Variants in NCALD observed in about 807,000 individuals in gnomAD.
The protein encoded by NCALD is neurocalcin delta, also known as neurocalcin-delta.
Under a neutral mutation model 18.6 loss-of-function variants are expected in NCALD, and 10 were observed. The observed-to-expected ratio is 0.54, with a 90% CI of 0.33 to 0.91. The LOEUF (loss-of-function observed/expected upper bound fraction) is 0.91, where lower values mean the gene tolerates loss of function less well. Ranked by LOEUF, NCALD falls within the 40% of genes least tolerant of loss-of-function variation. The pLI is 0.03. For missense variants in NCALD, 184 were observed against 247.6 expected, an observed-to-expected ratio of 0.74 and a Z score of 1.72; for synonymous variants, 88 against 87.4, an observed-to-expected ratio of 1.01 and a Z score of -0.04.
chr8:101,967,936 T>C (rs1353361662), intron 2 of NCALD, among the ~76,000 whole-genome samples: 1 of 151,950 alleles, frequency 6.6e-6, no homozygotes, highest in African/African-American at 2.4e-5. Flanking sequence ...AGTTTCAACA[T>C]CAGCAACCTC....
chr8:102,057,536 A>C (rs1388338493), intron 1 of NCALD, among the ~76,000 whole-genome samples: 1 of 152,152 alleles, frequency 6.6e-6, no homozygotes, highest in Admixed American at 6.5e-5. Context: ...TAAAATTTTC[A>C]TGCTCCAGTG....
chr8:101,689,027 G>C lies in NCALD; in HGVS notation c.*282C>G. On this transcript the variant is annotated 3_prime_UTR_variant, in exon 4 of 4. Coordinates refer to ENST00000220931, the MANE Select transcript of NCALD (RefSeq NM_032041.3). This position sits in a 1 kb window ranked among gnomAD's most constrained non-coding sequence, Gnocchi z 4.4. ...CCCGAGTCTTACGTTTTAGAACAGA[G>C]ACATTAGAATAAAAAAAAATAATAG... 1.4e-6 allele frequency: 1 copy of C among 699,344 alleles called. No homozygotes were observed. 43.3% of individuals were successfully genotyped at this position (699,344 alleles called of 1,614,324 possible).
chr8:102,105,224 T>C (rs908062081), intron 1 of NCALD, among the ~76,000 whole-genome samples: 22 of 152,208 alleles, frequency 1.4e-4, no homozygotes, highest in African/African-American at 5.3e-4. Flanking sequence ...TAGCTATAGA[T>C]ACATACAGAT....
At chr8:102,105,203 T>C (rs1476549431) in intron 1 of NCALD, among the ~76,000 whole-genome samples, 1 of 152,196 alleles carries the variant, frequency 6.6e-6, no homozygotes, top group East Asian at 1.9e-4. Flanking sequence ...CCTAAAGAGA[T>C]ACAGACTGTA....
chr8:101,758,310 C>A (rs538272250), intron 1 of NCALD, among the ~76,000 whole-genome samples: 2 of 152,160 alleles, frequency 1.3e-5, no homozygotes, highest in African/African-American at 4.8e-5. Flanking sequence ...CAGCTCTCCC[C>A]CTCCATAGGC....
chr8:101,840,299 T>G (rs1226964435), intron 4 of NCALD, among the ~76,000 whole-genome samples: 4 of 152,180 alleles, frequency 2.6e-5, no homozygotes, highest in African/African-American at 9.6e-5. Flanking sequence ...GCTGAATAAG[T>G]GAATACATTT....
intron 2 of NCALD, among the ~76,000 whole-genome samples, chr8:101,715,170 C>T (rs1218946640): frequency 6.6e-6 from 1 of 152,072 alleles, no homozygotes; most frequent in African/African-American, 2.4e-5. Context: ...TCAAAAATAA[C>T]ACCACACATC....
intron 1 of NCALD, among the ~76,000 whole-genome samples, chr8:102,030,882 T>A (rs549245188): frequency 2.0e-5 from 3 of 148,048 alleles, no homozygotes; most frequent in South Asian, 4.2e-4. Context: ...TCACAAAAAA[T>A]AAATAAATAA....
chr8:101,977,993 TC>T, intron 2 of NCALD, among the ~76,000 whole-genome samples: 1 of 152,124 alleles, frequency 6.6e-6, no homozygotes, highest in East Asian at 1.9e-4. Context: ...CTTCCTTCTC[TC>T]CGCCCTCAGT....
intron 2 of NCALD, among the ~76,000 whole-genome samples, chr8:102,012,643 G>A (rs1821945296): frequency 6.6e-6 from 1 of 152,228 alleles, no homozygotes; most frequent in Non-Finnish European, 1.5e-5. Flanking sequence ...CAATGCAGAG[G>A]GATCTAATGA....
intron 1 of NCALD, among the ~76,000 whole-genome samples, chr8:102,084,375 T>C (rs1824662476): frequency 6.6e-6 from 1 of 152,176 alleles, no homozygotes; most frequent in Non-Finnish European, 1.5e-5. Context: ...GGGGCAAGTT[T>C]TAGAGCAGGA....
intron 1 of NCALD, among the ~76,000 whole-genome samples, chr8:102,061,525 C>A (rs964050754): frequency 1.3e-5 from 2 of 152,124 alleles, no homozygotes; most frequent in African/African-American, 2.4e-5. Flanking sequence ...ATGGGCTTTG[C>A]CGCTTTAAGG....
At chr8:101,903,438 G>A (rs745660384) in intron 3 of NCALD, among the ~76,000 whole-genome samples, 2 of 151,968 alleles carry the variant, frequency 1.3e-5, no homozygotes, top group African/African-American at 4.8e-5. Flanking sequence ...CTCATGATCC[G>A]CCCACCTCAG....
At chr8:101,976,406 T>C (rs1385677140) in intron 2 of NCALD, among the ~76,000 whole-genome samples, 3 of 152,128 alleles carry the variant, frequency 2.0e-5, no homozygotes, top group Non-Finnish European at 4.4e-5. Context: ...CTGTGCTAAC[T>C]TCAATTTAGC....
intron 1 of NCALD, among the ~76,000 whole-genome samples, chr8:102,049,408 G>A (rs886283880): frequency 2.6e-5 from 4 of 152,080 alleles, no homozygotes; most frequent in African/African-American, 7.2e-5. Flanking sequence ...ATATTCCATT[G>A]TATGGATGTG....
chr8:102,020,388 T>C (rs139684097), intron 1 of NCALD: 7 of 152,358 alleles, frequency 4.6e-5, no homozygotes, highest in Admixed American at 1.3e-4. Context: ...GATCTGTTAA[T>C]ATACATAAAA....
chr8:102,123,582 C>G (rs2132497362), intron 1 of NCALD, among the ~76,000 whole-genome samples: 1 of 152,298 alleles, frequency 6.6e-6, no homozygotes, highest in East Asian at 1.9e-4. Context: ...TCGGTATGCA[C>G]TGAAAAACAC....
At chr8:101,713,819 C>T (rs186056320) in intron 2 of NCALD, among the ~76,000 whole-genome samples, 46 of 152,218 alleles carry the variant, frequency 3.0e-4, no homozygotes, top group African/African-American at 8.9e-4. Flanking sequence ...AGCCCAGGAC[C>T]GGATGGATTC....
chr8:101,916,597 A>G (rs73282620), intron 2 of NCALD, among the ~76,000 whole-genome samples: 7,074 of 152,178 alleles, frequency 0.046, 261 homozygotes, highest in African/African-American at 0.1. Context: ...AAAAGAATGA[A>G]GTCCAATTGT....
Sources: allele counts gnomAD v4.1 joint callset (sites outside exome capture counted in the v4.1 genomes callset), GRCh38; gene constraint gnomAD v4.1.1; non-coding constraint Gnocchi (gnomAD v3.1); transcripts MANE v1.5; gene names NCBI Gene and HGNC (gene_info 2026-07-23, HGNC 2026-07-21).